Variants in FBXL7 observed in about 807,000 individuals in gnomAD.
FBXL7 encodes the protein F-box/LRR-repeat protein 7.
A neutral mutation model predicts 38.3 loss-of-function variants in FBXL7; 12 were observed. The observed-to-expected ratio is 0.31, with a 90% CI of 0.20 to 0.51. The LOEUF (loss-of-function observed/expected upper bound fraction) is 0.51. FBXL7 is among the 20% of genes least tolerant of loss of function. FBXL7 has a pLI of 0.98. For synonymous variants in FBXL7, 297 were observed against 300.9 expected (o/e 0.99, Z 0.13); for missense variants, 567 against 676.4 (o/e 0.84, Z 1.79).
chr5:15,664,163 A>G (rs577631793), intron 2 of FBXL7, among the ~76,000 whole-genome samples: 5 of 152,292 alleles, frequency 3.3e-5, no homozygotes, highest in South Asian at 4.1e-4. Flanking sequence ...GATGTATAGT[A>G]TACATAATTA....
At chr5:15,882,608 G>A (rs1164261944) in intron 2 of FBXL7, among the ~76,000 whole-genome samples, 1 of 152,222 alleles carries the variant, frequency 6.6e-6, no homozygotes, top group Non-Finnish European at 1.5e-5. Context: ...TCACTAGTCA[G>A]AAACAGAAAT....
At chr5:15,527,300 A>G (rs1737278052) in intron 1 of FBXL7, among the ~76,000 whole-genome samples, 1 of 152,190 alleles carries the variant, frequency 6.6e-6, no homozygotes, top group Non-Finnish European at 1.5e-5. Context: ...CATAATCCCT[A>G]AATTTAAAAC....
chr5:15,605,771 A>G (rs1288997485), intron 1 of FBXL7, among the ~76,000 whole-genome samples: 1 of 152,206 alleles, frequency 6.6e-6, no homozygotes, highest in Admixed American at 6.5e-5. Context: ...AAAAAATTAA[A>G]AATAGCAAGC....
At chr5:15,714,656 A>G (rs1743983834) in intron 2 of FBXL7, among the ~76,000 whole-genome samples, 1 of 151,772 alleles carries the variant, frequency 6.6e-6, no homozygotes, top group South Asian at 2.1e-4. Context: ...AGACCATACT[A>G]GCTAACATGG....
intron 2 of FBXL7, among the ~76,000 whole-genome samples, chr5:15,703,951 C>T (rs1295565265): frequency 6.6e-6 from 1 of 152,164 alleles, no homozygotes; most frequent in Non-Finnish European, 1.5e-5. Flanking sequence ...AGCAGGGTCA[C>T]ACTCAGCAGT....
intron 2 of FBXL7, among the ~76,000 whole-genome samples, chr5:15,834,234 A>G (rs1484659130): frequency 6.6e-6 from 1 of 152,234 alleles, no homozygotes; most frequent in African/African-American, 2.4e-5. Context: ...ACGCTTATCT[A>G]GGGAACGTAA....
At chr5:15,753,744 G>A (rs1736214785) in intron 2 of FBXL7, among the ~76,000 whole-genome samples, 1 of 152,114 alleles carries the variant, frequency 6.6e-6, no homozygotes, top group African/African-American at 2.4e-5. Flanking sequence ...TGTCTGCAGG[G>A]GAAGTAAAAA....
chr5:15,877,989 A>T (rs977685738), intron 2 of FBXL7, among the ~76,000 whole-genome samples: 2 of 152,162 alleles, frequency 1.3e-5, no homozygotes, highest in African/African-American at 4.8e-5. Context: ...CTAGTCCTAA[A>T]GGGGCGAGGT....
At chr5:15,673,010 G>A (rs1024504078) in intron 2 of FBXL7, among the ~76,000 whole-genome samples, 16 of 152,044 alleles carry the variant, frequency 1.1e-4, no homozygotes, top group Admixed American at 8.5e-4. Context: ...ACGGTATTCC[G>A]TGGAGTTTCC....
In FBXL7 at chr5:15,929,653, C is replaced by T. The variant is rs1465721018; in HGVS notation, c.739+1152C>T. Among the ~76,000 whole-genome samples, 4 of 149,042 alleles carry T rather than the reference C, an allele frequency of 2.7e-5. No individual in the cohort carries two copies. In the South Asian group the frequency reaches 8.5e-4, roughly 32 times the overall value. On this transcript the variant is annotated intron_variant, in intron 3 of 3. Coordinates refer to ENST00000504595, the MANE Select transcript of FBXL7 (RefSeq NM_012304.5). ...AAAAAAAAAAAAAAAAAAGAAAAAT[C>T]GAAGGAAATCCCAGCATGGCTGCTT...
intron 2 of FBXL7, among the ~76,000 whole-genome samples, chr5:15,662,074 T>C (rs566731453): frequency 6.6e-6 from 1 of 152,306 alleles, no homozygotes; most frequent in Non-Finnish European, 1.5e-5. Flanking sequence ...GGTTGAATGG[T>C]AGTTCTGCTT....
chr5:15,684,205 A>G lies in FBXL7; in HGVS notation c.127+68133A>G, dbSNP rs575038652. ...GTCATTTGTGCAAATTTATGAAGGT[A>G]CGTGAACGAACAAGCCTACGCACCT... On this transcript the variant is annotated intron_variant, in intron 2 of 3. Coordinates refer to ENST00000504595, the MANE Select transcript of FBXL7 (RefSeq NM_012304.5). Among the ~76,000 whole-genome samples the G allele has an allele frequency of 1.6e-4, 24 of 152,340 alleles. No homozygotes were observed. In the East Asian group the frequency reaches 4.0e-3, roughly 26 times the overall value.
chr5:15,508,254 G>A (rs1390494856), intron 1 of FBXL7, among the ~76,000 whole-genome samples: 1 of 152,086 alleles, frequency 6.6e-6, no homozygotes, highest in Non-Finnish European at 1.5e-5. Flanking sequence ...AAAACAGAGT[G>A]GTTGTATGGG....
intron 2 of FBXL7, among the ~76,000 whole-genome samples, chr5:15,691,599 T>C (rs186342548): frequency 1.3e-5 from 2 of 152,362 alleles, no homozygotes; most frequent in African/African-American, 4.8e-5. Flanking sequence ...CGTTTTCCTC[T>C]GATGCCTGTT....
At chr5:15,726,576 A>G (rs1016650114) in intron 2 of FBXL7, among the ~76,000 whole-genome samples, 3 of 152,044 alleles carry the variant, frequency 2.0e-5, no homozygotes, top group African/African-American at 7.2e-5. Context: ...CTGTAGTCCC[A>G]GCTATTTGGG....
At chr5:15,778,416 G>C (rs1319913275) in intron 2 of FBXL7, among the ~76,000 whole-genome samples, 1 of 151,972 alleles carries the variant, frequency 6.6e-6, no homozygotes, top group Non-Finnish European at 1.5e-5. Context: ...AGTTCTCAAC[G>C]CTGGGTGCAC....
chr5:15,643,744 C>A (rs1039272009), intron 2 of FBXL7, among the ~76,000 whole-genome samples: 1 of 152,120 alleles, frequency 6.6e-6, no homozygotes, highest in South Asian at 2.1e-4. Flanking sequence ...TTGTTTCTGC[C>A]GTGCAGCTAA....
chr5:15,739,079 C>T (rs1735829151), intron 2 of FBXL7, among the ~76,000 whole-genome samples: 1 of 152,222 alleles, frequency 6.6e-6, no homozygotes, highest in South Asian at 2.1e-4. Context: ...ATTGGTTTCT[C>T]TCATCTGGGC....
intron 2 of FBXL7, among the ~76,000 whole-genome samples, chr5:15,918,906 C>G (rs1383818455): frequency 6.6e-6 from 1 of 152,232 alleles, no homozygotes; most frequent in Non-Finnish European, 1.5e-5. Context: ...CGTCTGCATA[C>G]ATTTCTACTT....
Sources: gnomAD v4.1 joint callset for allele counts (sites outside exome capture counted in the v4.1 genomes callset) on GRCh38, gnomAD v4.1.1 for gene constraint, MANE v1.5 for transcripts, NCBI Gene and HGNC (gene_info 2026-07-23, HGNC 2026-07-21) for gene names.